Variants in NLRP2 observed in about 807,000 individuals in gnomAD.
The protein encoded by NLRP2 is NLR family pyrin domain containing 2.
A neutral mutation model predicts 97.2 loss-of-function variants in NLRP2; 107 were observed. The ratio of observed to expected loss-of-function variants is 1.10; its 90% CI spans 0.94 to 1.29. The LOEUF (loss-of-function observed/expected upper bound fraction) is 1.29. Ranked by LOEUF, NLRP2 falls within the 50% of genes most tolerant of loss-of-function variation. The pLI is 0.00. For missense variants in NLRP2, 1,495 were observed against 1,330.3 expected, an observed-to-expected ratio of 1.12 and a Z score of -1.93; for synonymous variants, 663 against 551.5, an observed-to-expected ratio of 1.20 and a Z score of -2.83.
At chr19:54,984,329 G>GTGTGTGTTTTTTTTTTTTTTTTTTTTTT in intron 6 of NLRP2, among the ~76,000 whole-genome samples, 6 of 79,670 alleles carry the variant, frequency 7.5e-5, no homozygotes, top group African/African-American at 1.9e-4. Flanking sequence ...TTTTTTTTGT[G>GTGTGTGTTTTTTTTTTTTTTTTTTTTTT]TTTTTTTTTT....
intron 7 of NLRP2, among the ~76,000 whole-genome samples, chr19:54,985,857 G>C (rs191214274): frequency 9.2e-5 from 14 of 152,084 alleles, no homozygotes; most frequent in Admixed American, 8.5e-4. Flanking sequence ...AATTTGCCAG[G>C]TGTCGTGGCA....
chr19:54,965,413 CT>C, upstream of NLRP2: 2 of 100,206 alleles, frequency 2.0e-5, 1 homozygote, highest in Non-Finnish European at 4.2e-5. Context: ...AACTTCATTT[CT>C]TTATTTCTCC....
chr19:54,998,025 C>CTTTTTTTTT (rs757893808), intron 12 of NLRP2, among the ~76,000 whole-genome samples: 7 of 127,296 alleles, frequency 5.5e-5, no homozygotes, highest in African/African-American at 8.7e-5. Context: ...TTTTTTCTTT[C>CTTTTTTTTT]TTTTTTTTTT....
In NLRP2 at chr19:54,996,043, A is replaced by AAAAAAAC. The variant is rs1555783256; in HGVS notation, c.2880-1268_2880-1267insCAAAAAA. Among the ~76,000 whole-genome samples, 1,011 of 148,078 alleles carry AAAAAAAC rather than the reference A, an allele frequency of 6.8e-3. 22 individuals are homozygous for AAAAAAAC. The highest frequency in any genetic ancestry group is 0.023 in the African/African-American group (937 of 39,924). The stretch of plus-strand genomic sequence containing the variant: ...TGACAGTGAGATCCTGTCTCAAAAA[A>AAAAAAAC]AAAAAAAAAACAAAAAAAACAAAGG... On this transcript the variant is annotated intron_variant, in intron 11 of 12. Coordinates refer to ENST00000448584, the MANE Select transcript of NLRP2 (RefSeq NM_017852.5).
chr19:54,976,678 C>T (rs2071248417), intron 3 of NLRP2, among the ~76,000 whole-genome samples: 2 of 151,858 alleles, frequency 1.3e-5, no homozygotes, highest in African/African-American at 4.8e-5. Context: ...CTCAGATCAG[C>T]CTTTGTCCTG....
chr19:54,967,983 A>G lies in NLRP2; in HGVS notation c.-18+1516A>G, dbSNP rs1411932601. Among the ~76,000 whole-genome samples the G allele has an allele frequency of 3.5e-5, 5 of 141,718 alleles. No individual in the cohort carries two copies. The Admixed American group carries it at 3.8e-4, about 11-fold the overall frequency. The allele number at this position is 141,718 out of a possible 152,430, so 93.0% of individuals were successfully genotyped here. A position where few individuals can be genotyped will look rare whatever the true frequency, so the allele number is the denominator to read the frequency against. ...TCCCAGGCTGGAGTACAGTGGCGCT[A>G]TCTCAGCTCACTGCAACTTCCACCT... On this transcript the variant is annotated intron_variant, in intron 1 of 12. Transcript: ENST00000448584.
intron 1 of NLRP2, among the ~76,000 whole-genome samples, chr19:54,967,619 T>G (rs1463463351): frequency 6.6e-6 from 1 of 151,972 alleles, no homozygotes; most frequent in East Asian, 1.9e-4. Context: ...CTTGGGGGAT[T>G]TAGGATAGAG....
At chr19:54,973,950 A>C (rs763524614) in intron 2 of NLRP2, 97 of 880,746 alleles carry the variant, frequency 1.1e-4, no homozygotes, top group Non-Finnish European at 1.7e-4. Context: ...CAGAGTGGCT[A>C]TGGTGGGCAG....
intron 10 of NLRP2, chr19:54,993,954 C>T (rs973958840): frequency 1.7e-5 from 8 of 465,904 alleles, no homozygotes; most frequent in East Asian, 1.2e-4. Flanking sequence ...TCACCTCCTG[C>T]TGGCTTTGAC....
chr19:54,987,701 C>T (rs2072186095), intron 8 of NLRP2, among the ~76,000 whole-genome samples: 1 of 150,924 alleles, frequency 6.6e-6, no homozygotes, highest in African/African-American at 2.4e-5. Context: ...GAGATCACAC[C>T]ACCGCACTCC....
chr19:54,986,573 T>C (rs983758595), intron 8 of NLRP2, among the ~76,000 whole-genome samples: 9 of 149,338 alleles, frequency 6.0e-5, no homozygotes, highest in Admixed American at 4.0e-4. Context: ...TTTTTTTTTA[T>C]GAAGTCTTGC....
At chr19:54,970,770 C>CTTT (rs34406686) in intron 2 of NLRP2, among the ~76,000 whole-genome samples, 70 of 108,454 alleles carry the variant, frequency 6.5e-4, no homozygotes, top group Middle Eastern at 5.2e-3. Context: ...CTACCTACTT[C>CTTT]TTTTTTTTTT....
At chr19:54,986,627 T>C (rs561430311) in intron 8 of NLRP2, among the ~76,000 whole-genome samples, 2 of 151,858 alleles carry the variant, frequency 1.3e-5, no homozygotes, top group Non-Finnish European at 2.9e-5. Context: ...CTTGGCTCAC[T>C]GCAACCTCTG....
chr19:54,987,379 C>G (rs573140070), intron 8 of NLRP2, among the ~76,000 whole-genome samples: 1 of 152,266 alleles, frequency 6.6e-6, no homozygotes, highest in Non-Finnish European at 1.5e-5. Context: ...AGTGGCTGCC[C>G]AGGCGATGAG....
rs560354720 is a variant in NLRP2 at position 54,973,977 on chromosome 19, G to A, written c.281-523G>A. ...GGTGGGCAGACTAAGCCGATTTTCC[G>A]GAAAAAGGCTAAAACTACAAAGAAG... On this transcript the variant is annotated intron_variant, in intron 2 of 12. Coordinates refer to ENST00000448584, the MANE Select transcript of NLRP2 (RefSeq NM_017852.5). The A allele has an allele frequency of 2.1e-5, 25 of 1,186,066 alleles. No homozygotes were observed. In the Middle Eastern group the frequency reaches 6.1e-4, roughly 29 times the overall value. The allele number at this position is 1,186,066 out of a possible 1,614,324, so 73.5% of individuals were successfully genotyped here.
chr19:54,984,918 TA>T, intron 6 of NLRP2, 128 bp from the exon 7 acceptor site: 1 of 855,208 alleles, frequency 1.2e-6, no homozygotes, highest in Non-Finnish European at 2.0e-6. Flanking sequence ...ATGGTGGTGC[TA>T]ATAAGTGATT....
chr19:54,994,484 G>A, intron 11 of NLRP2, 45 bp downstream of exon 11: 1 of 1,596,238 alleles, frequency 6.3e-7, no homozygotes, highest in Non-Finnish European at 8.6e-7. Flanking sequence ...ACACCTTACT[G>A]AATCTGTGGC....
chr19:54,990,954 G>A lies in NLRP2; in HGVS notation c.2708+282G>A. On this transcript the variant is annotated intron_variant, in intron 10 of 12. Coordinates refer to ENST00000448584, the MANE Select transcript of NLRP2 (RefSeq NM_017852.5). ...TATTTTAGAGATGGGATCTCGCCGT[G>A]TTGCCTAGGCTGGTCTCAAACTCCT... The A allele has an allele frequency of 6.3e-6, 3 of 478,124 alleles. No homozygotes were observed. In the South Asian group the frequency reaches 6.5e-5, roughly 10 times the overall value. 29.6% of individuals were successfully genotyped at this position (478,124 alleles called of 1,614,324 possible). A position where few individuals can be genotyped will look rare whatever the true frequency, so the allele number is the denominator to read the frequency against.
intron 1 of NLRP2, among the ~76,000 whole-genome samples, chr19:54,967,180 C>T (rs924855491): frequency 2.0e-5 from 3 of 152,006 alleles, no homozygotes; most frequent in African/African-American, 4.8e-5. Context: ...ATCTTTTCTT[C>T]TGTTAGAAAT....
Sources: allele counts gnomAD v4.1 joint callset (sites outside exome capture counted in the v4.1 genomes callset), GRCh38; gene constraint gnomAD v4.1.1; transcripts MANE v1.5; gene names NCBI Gene and HGNC (gene_info 2026-07-23, HGNC 2026-07-21).